ATP10A: variants seen among roughly 807,000 people sequenced by gnomAD.
The protein encoded by ATP10A is ATPase phospholipid transporting 10A (putative).
ATP10A carries 111 observed loss-of-function variants against 147.8 expected under a neutral mutation model. The ratio of observed to expected loss-of-function variants is 0.75; its 90% confidence interval spans 0.64 to 0.88. The LOEUF (loss-of-function observed/expected upper bound fraction) is 0.88. Ranked by LOEUF, ATP10A falls within the 40% of genes least tolerant of loss-of-function variation. The pLI, the probability that ATP10A is intolerant of heterozygous loss-of-function variation, is 0.00. For missense variants in ATP10A, 1,927 were observed against 1,959.0 expected (o/e 0.98, Z 0.31); for synonymous variants, 875 against 841.6 (o/e 1.04, Z -0.69).
At chr15:25,794,143 C>T (rs1264227636) in intron 1 of ATP10A, among the ~76,000 whole-genome samples, 1 of 152,148 alleles carries the variant, frequency 6.6e-6, no homozygotes, top group African/African-American at 2.4e-5. Flanking sequence ...GGATTAAAAG[C>T]CAGACAGGCA....
At chr15:25,763,266 A>G (rs2140635957) in intron 2 of ATP10A, among the ~76,000 whole-genome samples, 2 of 152,306 alleles carry the variant, frequency 1.3e-5, no homozygotes, top group Non-Finnish European at 2.9e-5. Context: ...CTTGAAATAA[A>G]TTATTTTCAC....
intron 2 of ATP10A, among the ~76,000 whole-genome samples, chr15:25,741,135 G>A (rs1345552058): frequency 4.6e-5 from 7 of 152,242 alleles, no homozygotes; most frequent in Non-Finnish European, 7.3e-5. Flanking sequence ...CTTCCTGGGT[G>A]TGGCTGGAGC....
At chr15:25,685,027 A>T (rs551000123) in intron 16 of ATP10A, among the ~76,000 whole-genome samples, 4 of 151,774 alleles carry the variant, frequency 2.6e-5, no homozygotes, top group Non-Finnish European at 4.4e-5. Context: ...TCGCTCACTC[A>T]CCCCCGCAGG....
At chr15:25,859,283 A>G (rs1893651041) in intron 1 of ATP10A, among the ~76,000 whole-genome samples, 1 of 152,116 alleles carries the variant, frequency 6.6e-6, no homozygotes, top group South Asian at 2.1e-4. Flanking sequence ...CTGGACACTC[A>G]GTGTTGGAGA....
intron 1 of ATP10A, among the ~76,000 whole-genome samples, chr15:25,802,879 C>T (rs761304977): frequency 3.9e-5 from 6 of 152,262 alleles, no homozygotes; most frequent in Non-Finnish European, 7.4e-5. Flanking sequence ...CCATCAGTTC[C>T]GAGGATTCGG....
intron 1 of ATP10A, among the ~76,000 whole-genome samples, chr15:25,839,090 G>A (rs950804366): frequency 1.3e-5 from 2 of 152,134 alleles, no homozygotes; most frequent in South Asian, 2.1e-4. Context: ...CAGCGGGCTT[G>A]TATCCAATAC....
Position 25,701,922 on chromosome 15 carries a change from G to T in ATP10A, c.2754C>A (p.Thr918=). 2 of 1,600,042 alleles carry T rather than the reference G, an allele frequency of 1.2e-6. No individual in the cohort carries two copies. The highest frequency in any genetic ancestry group is 1.7e-6 in the Non-Finnish European group (2 of 1,171,860). Residue 918 remains threonine (T), a synonymous_variant, in exon 13 of 21, where the codon ACC becomes ACA. Coordinates refer to ENST00000555815, the MANE Select transcript of ATP10A (RefSeq NM_024490.4). ...CCACTTGAAACCCACCTACCTGGGAGGTGGCATTCAGGGTGATGACCTCCT... is the reference window on the plus strand; with the variant it reads ...CCACTTGAAACCCACCTACCTGGGATGTGGCATTCAGGGTGATGACCTCCT... ...HDEEVITLNA[T]SQEACAALLD... is the part of the protein sequence containing the mutation.
At chr15:25,840,257 G>A (rs990683705) in intron 1 of ATP10A, among the ~76,000 whole-genome samples, 1 of 152,106 alleles carries the variant, frequency 6.6e-6, no homozygotes, top group African/African-American at 2.4e-5. Flanking sequence ...GTAAACTCAC[G>A]TTATAGGGGT....
At chr15:25,721,938 T>C (rs1564828) in intron 6 of ATP10A, 29 bp from the exon 7 acceptor site, 1,597,661 of 1,602,836 alleles carry the variant, frequency 1, 796,385 homozygotes, top group Non-Finnish European at 1. Flanking sequence ...ACAGGATGAA[T>C]GACCGTGAGG....
intron 2 of ATP10A, among the ~76,000 whole-genome samples, chr15:25,765,708 G>A (rs549073530): frequency 1.9e-4 from 29 of 152,272 alleles, no homozygotes; most frequent in African/African-American, 6.5e-4. Flanking sequence ...AATTCTTCCA[G>A]CTCTGTGGAT....
chr15:25,725,076 A>G (rs1172042252), intron 5 of ATP10A, among the ~76,000 whole-genome samples: 15 of 152,140 alleles, frequency 9.9e-5, no homozygotes, highest in Non-Finnish European at 4.4e-5. Context: ...GTGGCAGGTG[A>G]GTGAGCATTC....
chr15:25,736,503 C>T (rs1290122468), intron 2 of ATP10A, among the ~76,000 whole-genome samples: 1 of 152,166 alleles, frequency 6.6e-6, no homozygotes, highest in East Asian at 1.9e-4. Flanking sequence ...TTTCTACAGA[C>T]TTAGGGAAGC....
chr15:25,828,030 A>G (rs925210218), intron 1 of ATP10A, among the ~76,000 whole-genome samples: 1 of 152,204 alleles, frequency 6.6e-6, no homozygotes, highest in African/African-American at 2.4e-5. Flanking sequence ...ATAGACTTTA[A>G]AACAAAAAAA....
In ATP10A at chr15:25,784,615, A is replaced by G. The variant is rs566465151; in HGVS notation, c.450-3392T>C. Among the ~76,000 whole-genome samples the G allele has an allele frequency of 1.4e-3, 214 of 152,238 alleles. 5 individuals are homozygous for G. In the South Asian group the frequency reaches 0.023, roughly 16 times the overall value. ...AAGGGGTTCCTCATGGGCTGCAGAAAGGACGCTGGCTTCTAAGAAAAGGCC... is the reference window on the plus strand; with the variant it reads ...AAGGGGTTCCTCATGGGCTGCAGAAGGGACGCTGGCTTCTAAGAAAAGGCC... On this transcript the variant is annotated intron_variant, in intron 1 of 20. Transcript: ENST00000555815.
chr15:25,688,585 G>GAA (rs11423467), intron 15 of ATP10A, among the ~76,000 whole-genome samples: 6 of 150,960 alleles, frequency 4.0e-5, no homozygotes, highest in East Asian at 1.9e-4. Context: ...AATGTCTTTG[G>GAA]AAAAAAAAAT....
At chr15:25,798,058 A>C (rs1890765385) in intron 1 of ATP10A, among the ~76,000 whole-genome samples, 1 of 152,130 alleles carries the variant, frequency 6.6e-6, no homozygotes. Flanking sequence ...CAAATCTGGA[A>C]TCCGGCCTAG....
At chr15:25,846,160 A>C (rs1596992579) in intron 1 of ATP10A, among the ~76,000 whole-genome samples, 1 of 151,834 alleles carries the variant, frequency 6.6e-6, no homozygotes, top group African/African-American at 2.4e-5. Context: ...GGCATGGGGG[A>C]AGGGGGAGTT....
chr15:25,755,933 T>G (rs1397526333), intron 2 of ATP10A, among the ~76,000 whole-genome samples: 1 of 152,258 alleles, frequency 6.6e-6, no homozygotes, highest in Non-Finnish European at 1.5e-5. Flanking sequence ...TTCTCTGTAC[T>G]TAAACCACTA....
intron 16 of ATP10A, 123 bp downstream of exon 16, chr15:25,687,580 G>A: frequency 3.2e-6 from 2 of 634,618 alleles, no homozygotes; most frequent in Non-Finnish European, 4.0e-6. Context: ...CACAGGCGAA[G>A]GAGGATGGAG....
Sources: gnomAD v4.1 joint callset for allele counts (sites outside exome capture counted in the v4.1 genomes callset) on GRCh38, gnomAD v4.1.1 for gene constraint, MANE v1.5 for transcripts, NCBI Gene and HGNC (gene_info 2026-07-23, HGNC 2026-07-21) for gene names.